NRXN3: variants seen among roughly 807,000 people sequenced by gnomAD.
NRXN3 encodes neurexin 3.
A neutral mutation model predicts 137.6 loss-of-function variants in NRXN3; 32 were observed. The observed-to-expected ratio is 0.23, with a 90% CI of 0.18 to 0.31. The LOEUF (loss-of-function observed/expected upper bound fraction) is 0.31, where lower values mean the gene tolerates loss of function less well. Ranked by LOEUF, NRXN3 falls within the 10% of genes least tolerant of loss-of-function variation. The pLI is 1.00. For synonymous variants in NRXN3, 798 were observed against 784.5 expected, an observed-to-expected ratio of 1.02 and a Z score of -0.29; for missense variants, 1,574 against 2,062.5, an observed-to-expected ratio of 0.76 and a Z score of 4.59.
chr14:79,859,241 T>C (rs912779028), intron 20 of NRXN3, among the ~76,000 whole-genome samples: 1 of 152,182 alleles, frequency 6.6e-6, no homozygotes, highest in Non-Finnish European at 1.5e-5. Context: ...TGGTACACAT[T>C]ATATGCTTTC....
At chr14:78,746,359 C>A (rs1372873567) in intron 8 of NRXN3, among the ~76,000 whole-genome samples, 2 of 152,124 alleles carry the variant, frequency 1.3e-5, no homozygotes, top group Non-Finnish European at 2.9e-5. Flanking sequence ...CACACAGAGA[C>A]CTTTATGCTT....
intron 16 of NRXN3, among the ~76,000 whole-genome samples, chr14:79,531,468 G>A (rs1487962586): frequency 6.6e-6 from 1 of 152,186 alleles, no homozygotes; most frequent in Non-Finnish European, 1.5e-5. Context: ...TATGGAAAAG[G>A]TGAATAGGGA....
intron 6 of NRXN3, among the ~76,000 whole-genome samples, chr14:78,684,262 G>A (rs139136407): frequency 1.3e-5 from 2 of 152,264 alleles, no homozygotes; most frequent in East Asian, 1.9e-4. Flanking sequence ...GGCCTCTAAC[G>A]AGGGGGCACA....
chr14:78,427,181 T>G (rs1247005309), intron 4 of NRXN3, among the ~76,000 whole-genome samples: 2 of 152,142 alleles, frequency 1.3e-5, no homozygotes, highest in Non-Finnish European at 2.9e-5. Flanking sequence ...GCAAAGCTAT[T>G]TTCTCTAGAT....
intron 15 of NRXN3, among the ~76,000 whole-genome samples, chr14:79,306,957 T>C (rs1040677861): frequency 6.6e-6 from 1 of 152,060 alleles, no homozygotes; most frequent in African/African-American, 2.4e-5. Flanking sequence ...CACTGACCCT[T>C]ATTAAGAGCT....
At chr14:79,480,297 A>G (rs558179920) in intron 16 of NRXN3, among the ~76,000 whole-genome samples, 3 of 152,290 alleles carry the variant, frequency 2.0e-5, no homozygotes, top group South Asian at 4.1e-4. Context: ...TTTGCTACTT[A>G]TATCAGCAGT....
rs138931360 is a variant in NRXN3, at chr14:79,684,607, G to A, written c.3617-7566G>A. Among the ~76,000 whole-genome samples, 9 of 152,156 alleles carry A rather than the reference G, an allele frequency of 5.9e-5. No individual in the cohort carries two copies. In the East Asian group the frequency reaches 1.7e-3, roughly 29 times the overall value. On this transcript the variant is annotated intron_variant, in intron 17 of 20. Coordinates refer to ENST00000335750, the MANE Select transcript of NRXN3 (RefSeq NM_001330195.2). ...TAATAGCATGACTTTCCTGTTGTCG[G>A]GATGACAATGTTCCTGTGTTGTGCA...
chr14:78,538,331 C>A (rs929965926), intron 4 of NRXN3, among the ~76,000 whole-genome samples: 1 of 152,164 alleles, frequency 6.6e-6, no homozygotes, highest in Admixed American at 6.5e-5. Context: ...TACTTCACAT[C>A]CCTTGTAAGT....
At chr14:79,837,485 T>C (rs1603618401) in intron 20 of NRXN3, among the ~76,000 whole-genome samples, 1 of 152,286 alleles carries the variant, frequency 6.6e-6, no homozygotes, top group South Asian at 2.1e-4. Flanking sequence ...GTAGGATGTA[T>C]AACCTGTGGG....
At chr14:78,923,075 G>A (rs1209499822) in intron 10 of NRXN3, among the ~76,000 whole-genome samples, 2 of 152,026 alleles carry the variant, frequency 1.3e-5, no homozygotes, top group Non-Finnish European at 2.9e-5. Flanking sequence ...AGGGACAGGC[G>A]GTCAGGTTTT....
intron 4 of NRXN3, among the ~76,000 whole-genome samples, chr14:78,531,284 A>G (rs757202381): frequency 5.9e-5 from 9 of 152,216 alleles, no homozygotes; most frequent in Non-Finnish European, 1.3e-4. Flanking sequence ...CTTACTTTGG[A>G]ATGAGAAATG....
At chr14:78,575,533 A>C (rs2096928571) in intron 4 of NRXN3, among the ~76,000 whole-genome samples, 1 of 152,250 alleles carries the variant, frequency 6.6e-6, no homozygotes, top group Non-Finnish European at 1.5e-5. Flanking sequence ...AAAGTGGTTC[A>C]TTCATGCAAC....
chr14:78,442,928 A>G (rs953513082), intron 4 of NRXN3, among the ~76,000 whole-genome samples: 1 of 152,142 alleles, frequency 6.6e-6, no homozygotes, highest in African/African-American at 2.4e-5. Flanking sequence ...TGCGTTTTGT[A>G]TTTATGGTAA....
chr14:78,364,604 G>A (rs2085627873), intron 4 of NRXN3, among the ~76,000 whole-genome samples: 1 of 152,198 alleles, frequency 6.6e-6, no homozygotes, highest in African/African-American at 2.4e-5. Context: ...TACGTATCCT[G>A]AAAGGAGGGC....
At chr14:79,521,809 T>A (rs1187925063) in intron 16 of NRXN3, among the ~76,000 whole-genome samples, 1 of 152,208 alleles carries the variant, frequency 6.6e-6, no homozygotes, top group Admixed American at 6.5e-5. Context: ...GTGCTTACCT[T>A]CAATTTCATT....
At chr14:79,625,819 T>C (rs1439091679) in intron 16 of NRXN3, among the ~76,000 whole-genome samples, 1 of 152,172 alleles carries the variant, frequency 6.6e-6, no homozygotes, top group Non-Finnish European at 1.5e-5. Context: ...TACACCGAAG[T>C]GTAGCAGTTA....
chr14:78,923,054 T>C (rs537866902), intron 10 of NRXN3, among the ~76,000 whole-genome samples: 97 of 152,204 alleles, frequency 6.4e-4, no homozygotes, highest in African/African-American at 2.0e-3. Flanking sequence ...CTATGTAGTA[T>C]GTGACTTTCT....
chr14:78,422,251 G>A (rs909692909), intron 4 of NRXN3, among the ~76,000 whole-genome samples: 1 of 152,172 alleles, frequency 6.6e-6, no homozygotes, highest in Non-Finnish European at 1.5e-5. Context: ...ATACGATCAG[G>A]TTTCCTCTTT....
rs1449037539 is a variant in NRXN3 at position 78,778,682 on chromosome 14, C to CTTTTCT, written c.2045-24935_2045-24934insTCTTTT. ...TTCCTTTTCTTTTCTCTTTTCTTTT[C>CTTTTCT]TTTCTTTCTTTCTTTCTTTCTTTCT... is the stretch of plus-strand genomic sequence containing the variant. On this transcript the variant is annotated intron_variant, in intron 8 of 20. Transcript: ENST00000335750. Among the ~76,000 whole-genome samples, 7 of 72,858 alleles carry CTTTTCT rather than the reference C, an allele frequency of 9.6e-5. No individual in the cohort carries two copies. The South Asian group carries it at 1.7e-3, about 17-fold the overall frequency. The allele number at this position is 72,858 out of a possible 152,430, so 47.8% of individuals were successfully genotyped here.
Sources: allele counts gnomAD v4.1 joint callset (sites outside exome capture counted in the v4.1 genomes callset), GRCh38; gene constraint gnomAD v4.1.1; transcripts MANE v1.5; gene names NCBI Gene and HGNC (gene_info 2026-07-23, HGNC 2026-07-21).